The following ARHGAP15 variants were observed in gnomAD, a reference collection of about 807,000 sequenced individuals.
The protein encoded by ARHGAP15 is rho GTPase-activating protein 15.
ARHGAP15 carries 51 observed loss-of-function variants against 63.7 expected under a neutral mutation model. That is an observed-to-expected ratio of 0.80 (90% CI 0.64 to 1.01). The LOEUF (loss-of-function observed/expected upper bound fraction) is 1.01, where lower values mean the gene tolerates loss of function less well. ARHGAP15 is among the 50% of genes least tolerant of loss of function. The pLI, the probability that ARHGAP15 is intolerant of heterozygous loss-of-function variation, is 0.00. For missense variants in ARHGAP15, 560 were observed against 564.6 expected, an observed-to-expected ratio of 0.99 and a Z score of 0.08; for synonymous variants, 191 against 193.8, an observed-to-expected ratio of 0.99 and a Z score of 0.12.
At chr2:143,258,198 AG>A (rs1680520479) in intron 6 of ARHGAP15, among the ~76,000 whole-genome samples, 1 of 152,078 alleles carries the variant, frequency 6.6e-6, no homozygotes, top group South Asian at 2.1e-4. Context: ...GACGCTATTC[AG>A]TTTTTAGAAA....
intron 1 of ARHGAP15, among the ~76,000 whole-genome samples, chr2:143,145,887 A>G (rs1372110409): frequency 6.6e-6 from 1 of 150,634 alleles, no homozygotes; most frequent in Non-Finnish European, 1.5e-5. Flanking sequence ...TGTATAATAT[A>G]TATATAATAT....
At chr2:143,441,011 G>T (rs1443839536) in intron 8 of ARHGAP15, among the ~76,000 whole-genome samples, 6 of 152,006 alleles carry the variant, frequency 3.9e-5, no homozygotes, top group Non-Finnish European at 1.5e-5. Flanking sequence ...TATAAAAATG[G>T]GTCTAATACT....
chr2:143,184,507 G>C (rs1691362825), intron 2 of ARHGAP15, among the ~76,000 whole-genome samples: 1 of 152,070 alleles, frequency 6.6e-6, no homozygotes, highest in East Asian at 1.9e-4. Flanking sequence ...TTGTGTATTA[G>C]TATGGGACTG....
Position 143,326,074 on chromosome 2 carries a change from G to T in ARHGAP15, c.474+75474G>T, listed in dbSNP as rs6738501. Among the ~76,000 whole-genome samples, 1,062 of 152,214 alleles carry T rather than the reference G, an allele frequency of 7.0e-3. 11 individuals are homozygous for T. The highest frequency in any genetic ancestry group is 0.022 in the African/African-American group (918 of 41,550). On this transcript the variant is annotated intron_variant, in intron 6 of 13. Coordinates refer to ENST00000295095, the MANE Select transcript of ARHGAP15 (RefSeq NM_018460.4). ...TCTATTTCTAAACTTCCTTGTTTCAGATTGATCCTAAAATTGCTTACATGT... is the reference window on the plus strand; with the variant it reads ...TCTATTTCTAAACTTCCTTGTTTCATATTGATCCTAAAATTGCTTACATGT...
intron 6 of ARHGAP15, among the ~76,000 whole-genome samples, chr2:143,328,773 A>C (rs1684374003): frequency 6.6e-6 from 1 of 152,200 alleles, no homozygotes; most frequent in Non-Finnish European, 1.5e-5. Context: ...TTCATAGCAC[A>C]ACCAGCTGAC....
intron 5 of ARHGAP15, among the ~76,000 whole-genome samples, chr2:143,229,354 T>G (rs1375283793): frequency 2.0e-5 from 3 of 152,230 alleles, no homozygotes; most frequent in African/African-American, 7.2e-5. Flanking sequence ...TAATACAATT[T>G]CTGTATCCTG....
rs80283250 is a variant in ARHGAP15, at chr2:143,452,286, C to T, written c.703+15244C>T. ...ACCCTAAATTAGAGACACTATTAAT[C>T]GAACACTTTGATATAGGTAGGATCT... On this transcript the variant is annotated intron_variant, in intron 8 of 13. Transcript: ENST00000295095. Among the ~76,000 whole-genome samples the T allele has an allele frequency of 4.4e-3, 673 of 152,050 alleles. 4 individuals are homozygous for T. Among genetic ancestry groups the T allele is most frequent in the African/African-American group, 0.016 (651 of 41,528 alleles).
chr2:143,330,139 C>CAAAAAAAAAAAAA (rs1553465099), intron 6 of ARHGAP15, among the ~76,000 whole-genome samples: 1 of 55,508 alleles, frequency 1.8e-5, no homozygotes, highest in Non-Finnish European at 3.6e-5. Flanking sequence ...AAACCAAAAA[C>CAAAAAAAAAAAAA]AAAAAACTAA....
At chr2:143,163,432 G>A (rs1177999137) in intron 2 of ARHGAP15, among the ~76,000 whole-genome samples, 1 of 151,180 alleles carries the variant, frequency 6.6e-6, no homozygotes, top group African/African-American at 2.4e-5. Flanking sequence ...TCTATATACA[G>A]ATATATAGAA....
intron 6 of ARHGAP15, among the ~76,000 whole-genome samples, chr2:143,294,820 G>A (rs774465059): frequency 6.6e-6 from 1 of 152,018 alleles, no homozygotes; most frequent in African/African-American, 2.4e-5. Flanking sequence ...CTGTTTTCCA[G>A]CCAGTGGGAC....
At chr2:143,230,298 TTTTTA>T (rs1229307220) in intron 5 of ARHGAP15, among the ~76,000 whole-genome samples, 14 of 152,342 alleles carry the variant, frequency 9.2e-5, no homozygotes, top group South Asian at 4.1e-4. Context: ...ATTTGGTTTA[TTTTTA>T]TTTTATTATT....
intron 6 of ARHGAP15, 76 bp downstream of exon 6, chr2:143,250,676 T>C (rs1464688839): frequency 3.3e-6 from 4 of 1,198,484 alleles, no homozygotes; most frequent in East Asian, 5.1e-5. Context: ...AAAATAAGAC[T>C]ACCTTCTTGT....
intron 8 of ARHGAP15, among the ~76,000 whole-genome samples, chr2:143,461,027 C>T (rs1456045039): frequency 3.3e-5 from 5 of 152,076 alleles, no homozygotes; most frequent in South Asian, 2.1e-4. Context: ...TGGTGGCGCA[C>T]GCCTGTAATC....
Position 143,223,882 on chromosome 2 carries a change from A to C in ARHGAP15, c.297-4699A>C, listed in dbSNP as rs189966052. ...TTAGGATGCAACCTTACTGGGCTTC[A>C]GTTTTCTCTTCTGTAATATGGGAGT... On this transcript the variant is annotated intron_variant, in intron 4 of 13. Transcript: ENST00000295095. 1.5e-3 allele frequency among the ~76,000 whole-genome samples: 228 copies of C among 152,266 alleles called. 2 individuals are homozygous for C. Among genetic ancestry groups the C allele is most frequent in the East Asian group, 3.1e-3 (16 of 5,188 alleles).
At chr2:143,243,057 G>C (rs2104952983) in intron 5 of ARHGAP15, among the ~76,000 whole-genome samples, 1 of 152,264 alleles carries the variant, frequency 6.6e-6, no homozygotes, top group Non-Finnish European at 1.5e-5. Context: ...CTAGTAATAA[G>C]GGTAAGAGGC....
chr2:143,541,018 C>A (rs1304965561), intron 10 of ARHGAP15, among the ~76,000 whole-genome samples: 1 of 152,202 alleles, frequency 6.6e-6, no homozygotes, highest in East Asian at 1.9e-4. Context: ...GTACACCTAT[C>A]AAATGTAGGT....
chr2:143,730,329 ATG>A (rs1685470999), intron 13 of ARHGAP15, among the ~76,000 whole-genome samples: 1 of 152,196 alleles, frequency 6.6e-6, no homozygotes, highest in Non-Finnish European at 1.5e-5. Context: ...CTGTAATCGT[ATG>A]TCTCTTTCAG....
rs146508682 is a variant in ARHGAP15, at chr2:143,496,095, T to G, written c.826+8600T>G. Among the ~76,000 whole-genome samples the G allele has an allele frequency of 3.3e-5, 5 of 152,346 alleles. No individual in the cohort carries two copies. In the East Asian group the frequency reaches 9.6e-4, roughly 29 times the overall value. Reference sequence around the variant, plus strand: ...CAAAATTAATAGCCAACCTTAAGCTTCTTTATCTCGGCCTACAAGCTTCCT... The same window carrying G: ...CAAAATTAATAGCCAACCTTAAGCTGCTTTATCTCGGCCTACAAGCTTCCT... On this transcript the variant is annotated intron_variant, in intron 9 of 13. Coordinates refer to ENST00000295095, the MANE Select transcript of ARHGAP15 (RefSeq NM_018460.4).
At chr2:143,595,950 G>T (rs545436615) in intron 11 of ARHGAP15, among the ~76,000 whole-genome samples, 1 of 152,158 alleles carries the variant, frequency 6.6e-6, no homozygotes, top group African/African-American at 2.4e-5. Context: ...TAATTTGAGG[G>T]TATTAGACAT....
Sources: allele counts gnomAD v4.1 joint callset (sites outside exome capture counted in the v4.1 genomes callset), GRCh38; gene constraint gnomAD v4.1.1; transcripts MANE v1.5; gene names NCBI Gene and HGNC (gene_info 2026-07-23, HGNC 2026-07-21).